STK3: variants seen among roughly 807,000 people sequenced by gnomAD.
STK3 encodes serine/threonine-protein kinase 3.
A neutral mutation model predicts 58.0 loss-of-function variants in STK3; 41 were observed. That is an observed-to-expected ratio of 0.71 (90% CI 0.55 to 0.92). STK3 has a LOEUF of 0.92. Ranked by LOEUF, STK3 falls within the 40% of genes least tolerant of loss-of-function variation. The pLI, the probability that STK3 is intolerant of heterozygous loss-of-function variation, is 0.00. For missense variants in STK3, 479 were observed against 602.7 expected, an observed-to-expected ratio of 0.79 and a Z score of 2.15; for synonymous variants, 170 against 191.0, an observed-to-expected ratio of 0.89 and a Z score of 0.91.
At chr8:98,838,226 A>C (rs1158888742) in intron 3 of STK3, among the ~76,000 whole-genome samples, 1 of 152,188 alleles carries the variant, frequency 6.6e-6, no homozygotes, top group African/African-American at 2.4e-5. Flanking sequence ...CTAGGTGACA[A>C]AATGAGACTC....
At chr8:98,696,818 C>T (rs968718906) in intron 6 of STK3, among the ~76,000 whole-genome samples, 5 of 151,956 alleles carry the variant, frequency 3.3e-5, no homozygotes, top group African/African-American at 7.2e-5. Flanking sequence ...CTAAAATTCT[C>T]TTTTTTGGTT....
intron 1 of STK3, chr8:98,906,528 G>C (rs937671608): frequency 2.6e-5 from 4 of 152,178 alleles, no homozygotes; most frequent in African/African-American, 9.7e-5. Flanking sequence ...TTGGAGCCTG[G>C]GGCTGCACTC....
intron 6 of STK3, among the ~76,000 whole-genome samples, chr8:98,600,171 C>A (rs567662626): frequency 4.6e-5 from 7 of 152,034 alleles, no homozygotes; most frequent in Non-Finnish European, 1.0e-4. Flanking sequence ...ATTAATCTGG[C>A]CAAGAAAGGC....
At position 98,919,837 on chromosome 8, in the gene STK3, G is replaced by T. The variant is rs530208742; in HGVS notation, c.-79+22541C>A. 3.5e-4 allele frequency among the ~76,000 whole-genome samples: 54 copies of T among 152,310 alleles called. 3 individuals are homozygous for T. In the South Asian group the frequency reaches 6.0e-3, roughly 17 times the overall value. ...AGCAGGTAGGACTGGGGACCAGGAAGGGGCTCTGTGGGATGAGGACCGACA... is the reference window on the plus strand; with the variant it reads ...AGCAGGTAGGACTGGGGACCAGGAATGGGCTCTGTGGGATGAGGACCGACA... On this transcript the variant is annotated intron_variant, in intron 1 of 1. Transcript: ENST00000519420.
intron 3 of STK3, chr8:98,429,586 G>T: frequency 1.7e-6 from 1 of 589,682 alleles, no homozygotes. Context: ...GTTTTTAGAG[G>T]GTGGTGTGTC....
intron 3 of STK3, among the ~76,000 whole-genome samples, chr8:98,405,985 C>T (rs974933669): frequency 1.3e-5 from 2 of 152,148 alleles, no homozygotes; most frequent in Admixed American, 1.3e-4. Flanking sequence ...TGCAGACAAA[C>T]CATATCATAA....
intron 3 of STK3, among the ~76,000 whole-genome samples, chr8:98,750,096 G>A (rs1196585997): frequency 6.6e-6 from 1 of 152,172 alleles, no homozygotes; most frequent in South Asian, 2.1e-4. Context: ...AAAATGCATA[G>A]AGATAGAAAA....
At chr8:98,705,710 T>C (rs951814232) in intron 6 of STK3, among the ~76,000 whole-genome samples, 1 of 152,146 alleles carries the variant, frequency 6.6e-6, no homozygotes, top group Non-Finnish European at 1.5e-5. Context: ...TACATCCTTA[T>C]TGAGATAACT....
At chr8:98,392,477 T>C (rs767973443), upstream of STK3, among the ~76,000 whole-genome samples, 2 of 152,272 alleles carry the variant, frequency 1.3e-5, no homozygotes, top group Non-Finnish European at 2.9e-5. Context: ...AGATGAATTG[T>C]TCCCATTTTT....
chr8:98,819,773 C>T (rs970362550), intron 1 of STK3, among the ~76,000 whole-genome samples: 5 of 152,178 alleles, frequency 3.3e-5, no homozygotes, highest in African/African-American at 1.2e-4. Flanking sequence ...GATATACACA[C>T]AATTTTACTT....
At chr8:98,915,461 T>TATATATATAA (rs1323912581) in intron 1 of STK3, among the ~76,000 whole-genome samples, 1 of 102,230 alleles carries the variant, frequency 9.8e-6, no homozygotes, top group East Asian at 2.9e-4. Flanking sequence ...TATATATATA[T>TATATATATAA]ATATATATAG....
chr8:98,845,326 C>T (rs1484210960), intron 3 of STK3, among the ~76,000 whole-genome samples: 2 of 152,200 alleles, frequency 1.3e-5, no homozygotes, highest in Non-Finnish European at 2.9e-5. Flanking sequence ...ACAACTTCCT[C>T]ATTCTTAAAT....
chr8:98,626,617 T>C (rs905589771), intron 6 of STK3, among the ~76,000 whole-genome samples: 3 of 152,200 alleles, frequency 2.0e-5, no homozygotes, highest in Admixed American at 6.5e-5. Flanking sequence ...GATTTGATAA[T>C]AAGTGATCTC....
chr8:98,579,643 T>A, intron 8 of STK3, 21 bp downstream of exon 8: 1 of 1,598,138 alleles, frequency 6.3e-7, no homozygotes, highest in Admixed American at 1.8e-5. Flanking sequence ...AAAAATCAAC[T>A]TTTTGAAGAT....
intron 2 of STK3, among the ~76,000 whole-genome samples, chr8:98,770,564 C>CTATTAAGTGGCCCATAT (rs1416894799): frequency 6.6e-6 from 1 of 152,126 alleles, no homozygotes; most frequent in Admixed American, 6.5e-5. Context: ...AAGTGAGATG[C>CTATTAAGTGGCCCATAT]TAAGTGAGCC....
At chr8:98,858,951 T>C (rs1453493712) in intron 3 of STK3, among the ~76,000 whole-genome samples, 1 of 129,520 alleles carries the variant, frequency 7.7e-6, no homozygotes, top group Admixed American at 7.6e-5. Flanking sequence ...TGTGAATAAA[T>C]AAAAGGACTA....
chr8:98,917,804 C>T (rs531573840), intron 1 of STK3, among the ~76,000 whole-genome samples: 67 of 152,342 alleles, frequency 4.4e-4, no homozygotes, highest in African/African-American at 1.3e-3. Flanking sequence ...ATTCCACCAA[C>T]ACCCTGCCAA....
chr8:98,879,961 C>T (rs186830702), downstream of STK3: 6 of 152,170 alleles, frequency 3.9e-5, no homozygotes, highest in Non-Finnish European at 8.8e-5. Context: ...TTTCCATAGT[C>T]AAAAATAAAT....
chr8:98,579,655 A>C lies in STK3; in HGVS notation c.948+9T>G, dbSNP rs1225359650. 3.1e-6 allele frequency: 5 copies of C among 1,600,860 alleles called. No homozygotes were observed. Among genetic ancestry groups the C allele is most frequent in the Non-Finnish European group, 4.2e-6 (5 of 1,177,226 alleles). On this transcript the variant is annotated intron_variant, in intron 8 of 10. Transcript: ENST00000419617. ...GAAAAAAATCAACTTTTTGAAGATA[A>C]TTACAAACCGAATTTTCTTCTTCCT...
Sources: allele counts gnomAD v4.1 joint callset (sites outside exome capture counted in the v4.1 genomes callset), GRCh38; gene constraint gnomAD v4.1.1; transcripts MANE v1.5; gene names NCBI Gene and HGNC (gene_info 2026-07-23, HGNC 2026-07-21).